REPS2: variants seen among roughly 807,000 people sequenced by gnomAD.
REPS2 encodes the protein ralBP1-associated Eps domain-containing protein 2.
In REPS2, 23 loss-of-function variants were observed where a neutral mutation model predicts 53.6. The observed-to-expected ratio is 0.43, with a 90% CI of 0.31 to 0.61. The LOEUF (loss-of-function observed/expected upper bound fraction) is 0.61, where lower values mean the gene tolerates loss of function less well. REPS2 is among the 20% of genes least tolerant of loss of function. The pLI, the probability that REPS2 is intolerant of heterozygous loss-of-function variation, is 0.11. For synonymous variants in REPS2, 238 were observed against 218.6 expected (o/e 1.09, Z -0.78); for missense variants, 446 against 534.9 (o/e 0.83, Z 1.64).
At chrX:16,967,361 A>G (rs1337580071) in intron 1 of REPS2, among the ~76,000 whole-genome samples, 1 of 109,855 alleles carries the variant, frequency 9.1e-6, no homozygotes, top group Non-Finnish European at 1.9e-5. Context: ...TGTATCTAGA[A>G]TGGCAGATGG....
rs2060639012 is a variant in REPS2 at position 16,959,849 on chromosome X, CA to C, written c.273+12716del. 2.7e-5 allele frequency among the ~76,000 whole-genome samples: 3 copies of C among 111,335 alleles called. No individual in the cohort carries two copies. The Admixed American group carries it at 2.9e-4, about 11-fold the overall frequency. On this transcript the variant is annotated intron_variant, in intron 1 of 17. Transcript: ENST00000357277. ...GCCAGCATCACCCTGATTTCAAAGC[CA>C]GACAAAAGATACCAAGATACCATAA...
downstream of REPS2, among the ~76,000 whole-genome samples, chrX:17,154,639 A>G (rs1281152282): frequency 8.9e-6 from 1 of 112,506 alleles, no homozygotes; most frequent in African/African-American, 3.2e-5. Flanking sequence ...AGGGCTGGGG[A>G]GTTTCCTCCC....
the REPS2 span, among the ~76,000 whole-genome samples, chrX:17,163,575 T>C: frequency 8.9e-6 from 1 of 111,866 alleles, no homozygotes; most frequent in East Asian, 2.8e-4. Flanking sequence ...GAAAGAATCT[T>C]GAAAGTAGCA....
At chrX:16,951,548 C>A (rs1021631250) in intron 1 of REPS2, among the ~76,000 whole-genome samples, 20 of 33,126 alleles carry the variant, frequency 6.0e-4, no homozygotes, top group African/African-American at 1.1e-3. Context: ...CACACACACA[C>A]ACACACACAC....
chrX:17,004,828 T>A (rs1460046265), intron 1 of REPS2, among the ~76,000 whole-genome samples: 3 of 105,707 alleles, frequency 2.8e-5, no homozygotes, highest in South Asian at 4.3e-4. Context: ...GAAAATATAG[T>A]TGTTATTTTT....
intron 2 of REPS2, among the ~76,000 whole-genome samples, chrX:17,017,610 A>G (rs2061515369): frequency 9.0e-6 from 1 of 111,591 alleles, no homozygotes; most frequent in Non-Finnish European, 1.9e-5. Context: ...AACACTTACA[A>G]TTCCCTATAA....
At chrX:17,028,405 T>G (rs2147864082) in intron 4 of REPS2, among the ~76,000 whole-genome samples, 1 of 112,722 alleles carries the variant, frequency 8.9e-6, no homozygotes, top group East Asian at 2.8e-4. Flanking sequence ...TGAGACTTAC[T>G]TTTTAAAATT....
At chrX:17,034,542 C>T (rs773454844) in intron 5 of REPS2, among the ~76,000 whole-genome samples, 6 of 111,737 alleles carry the variant, frequency 5.4e-5, no homozygotes, top group South Asian at 3.7e-4. Context: ...GTGATCTGCC[C>T]GCCTCGGACT....
the REPS2 span, among the ~76,000 whole-genome samples, chrX:17,160,390 G>T: frequency 8.9e-6 from 1 of 112,344 alleles, no homozygotes; most frequent in Non-Finnish European, 1.9e-5. Context: ...AAACCAGGGG[G>T]TATTTAGAAA....
intron 2 of REPS2, among the ~76,000 whole-genome samples, chrX:17,010,194 A>G (rs1277978824): frequency 2.7e-5 from 3 of 112,342 alleles, no homozygotes; most frequent in Non-Finnish European, 5.6e-5. Flanking sequence ...TAGTCATAGA[A>G]AGAAAGGATG....
At chrX:16,947,169 TG>T in intron 1 of REPS2, 35 bp downstream of exon 1, 1 of 1,001,347 alleles carries the variant, frequency 1.0e-6, no homozygotes, top group Non-Finnish European at 1.3e-6. Context: ...TGCGGGTCTG[TG>T]GGGCAGTGTG....
At chrX:17,047,195 C>A in intron 5 of REPS2, 152 bp from the exon 6 acceptor site, 1 of 504,791 alleles carries the variant, frequency 2.0e-6, no homozygotes, top group Non-Finnish European at 3.2e-6. Context: ...AGTTTCTGTT[C>A]TAGTTAGATT....
At chrX:16,965,599 C>T (rs1379405035) in intron 1 of REPS2, among the ~76,000 whole-genome samples, 1 of 109,959 alleles carries the variant, frequency 9.1e-6, no homozygotes, top group East Asian at 2.9e-4. Flanking sequence ...GGTGGCAGGG[C>T]AGAGGTGCTC....
intron 1 of REPS2, among the ~76,000 whole-genome samples, chrX:16,970,763 C>G (rs1406147127): frequency 8.9e-6 from 1 of 112,375 alleles, no homozygotes; most frequent in Admixed American, 9.4e-5. Context: ...AGAAATGAAA[C>G]CACATAGTGT....
intron 1 of REPS2, among the ~76,000 whole-genome samples, chrX:16,964,632 G>A (rs1248910762): frequency 2.1e-4 from 22 of 105,959 alleles, no homozygotes; most frequent in Non-Finnish European, 4.1e-4. Flanking sequence ...CTCACCTCCC[G>A]GACGGGGCGG....
intron 1 of REPS2, among the ~76,000 whole-genome samples, chrX:16,974,839 G>GT (rs1208443595): frequency 5.6e-5 from 6 of 107,701 alleles, no homozygotes; most frequent in South Asian, 8.1e-4. Context: ...GTATGCAGTA[G>GT]TTTTTTTTTT....
chrX:17,194,414 GC>G, the REPS2 span, among the ~76,000 whole-genome samples: 1 of 111,802 alleles, frequency 8.9e-6, no homozygotes, highest in Non-Finnish European at 1.9e-5. Flanking sequence ...GGACAATGAT[GC>G]ATACAGTACA....
At chrX:16,968,523 A>AC (rs1347295855) in intron 1 of REPS2, among the ~76,000 whole-genome samples, 14 of 88,106 alleles carry the variant, frequency 1.6e-4, no homozygotes, top group East Asian at 3.7e-4. Flanking sequence ...CGGGGGGCTG[A>AC]CCCCCCCACC....
the REPS2 span, among the ~76,000 whole-genome samples, chrX:17,176,254 T>C: frequency 8.9e-6 from 1 of 111,967 alleles, no homozygotes; most frequent in African/African-American, 3.2e-5. Context: ...GATGCACCCT[T>C]GCTTGGCCTC....
Sources: allele counts gnomAD v4.1 joint callset (sites outside exome capture counted in the v4.1 genomes callset), GRCh38; gene constraint gnomAD v4.1.1; transcripts MANE v1.5; gene names NCBI Gene and HGNC (gene_info 2026-07-23, HGNC 2026-07-21).